Variants in TAX1BP1 observed in about 807,000 individuals in gnomAD.
TAX1BP1 encodes tax1-binding protein 1.
In TAX1BP1, 62 loss-of-function variants were observed where a neutral mutation model predicts 97.7. The observed-to-expected ratio is 0.63, with a 90% CI of 0.52 to 0.78. The LOEUF (loss-of-function observed/expected upper bound fraction) is 0.78. Ranked by LOEUF, TAX1BP1 falls within the 30% of genes least tolerant of loss-of-function variation. The pLI, the probability that TAX1BP1 is intolerant of heterozygous loss-of-function variation, is 0.00. For synonymous variants in TAX1BP1, 340 were observed against 304.2 expected, an observed-to-expected ratio of 1.12 and a Z score of -1.23; for missense variants, 867 against 916.1, an observed-to-expected ratio of 0.95 and a Z score of 0.69.
intron 2 of TAX1BP1, among the ~76,000 whole-genome samples, chr7:27,750,450 A>T (rs1420835967): frequency 6.6e-6 from 1 of 152,216 alleles, no homozygotes; most frequent in Non-Finnish European, 1.5e-5. Flanking sequence ...AGCATTTCGG[A>T]TAAGGGATAC....
At chr7:27,827,536 A>G (rs773679724) in intron 15 of TAX1BP1, among the ~76,000 whole-genome samples, 4 of 152,206 alleles carry the variant, frequency 2.6e-5, no homozygotes, top group Admixed American at 6.5e-5. Flanking sequence ...TTTTATTTCA[A>G]GAACACCACA....
At chr7:27,814,480 T>C (rs530983138) in intron 13 of TAX1BP1, among the ~76,000 whole-genome samples, 4 of 152,336 alleles carry the variant, frequency 2.6e-5, no homozygotes, top group African/African-American at 9.6e-5. Context: ...AGCATAAAAG[T>C]ACTAAGTTTT....
At chr7:27,753,620 G>A (rs965519154) in intron 2 of TAX1BP1, among the ~76,000 whole-genome samples, 27 of 152,090 alleles carry the variant, frequency 1.8e-4, no homozygotes, top group African/African-American at 4.8e-4. Context: ...TTATAAATTA[G>A]GCACAGTAAG....
chr7:27,785,037 C>G (rs1789421864), intron 5 of TAX1BP1, 126 bp from the exon 6 acceptor site: 8 of 933,658 alleles, frequency 8.6e-6, no homozygotes, highest in Non-Finnish European at 1.2e-5. Context: ...CTTAGCTTCT[C>G]AAATTTGGAG....
At chr7:27,779,778 G>A (rs1404283014) in intron 5 of TAX1BP1, among the ~76,000 whole-genome samples, 2 of 152,018 alleles carry the variant, frequency 1.3e-5, no homozygotes, top group South Asian at 2.1e-4. Context: ...ATGATTATTC[G>A]GGGGCCTTGT....
chr7:27,797,422 A>G (rs1477087439), intron 12 of TAX1BP1, among the ~76,000 whole-genome samples: 1 of 152,170 alleles, frequency 6.6e-6, no homozygotes, highest in Non-Finnish European at 1.5e-5. Flanking sequence ...AATTTGGCAT[A>G]GAGAGGAAAA....
intron 5 of TAX1BP1, among the ~76,000 whole-genome samples, chr7:27,778,900 A>G (rs952130332): frequency 6.6e-6 from 1 of 150,692 alleles, no homozygotes; most frequent in South Asian, 2.1e-4. Context: ...GGTTTTTTGT[A>G]TATTTATAGA....
At chr7:27,803,996 G>GAAA (rs1218892124) in intron 13 of TAX1BP1, among the ~76,000 whole-genome samples, 2 of 152,162 alleles carry the variant, frequency 1.3e-5, no homozygotes, top group Non-Finnish European at 2.9e-5. Context: ...TTATATCAGG[G>GAAA]AAAAACAATT....
intron 13 of TAX1BP1, among the ~76,000 whole-genome samples, chr7:27,801,130 G>GAAA (rs11465183): frequency 3.0e-5 from 4 of 132,362 alleles, no homozygotes; most frequent in African/African-American, 1.1e-4. Flanking sequence ...GAATGTTAGA[G>GAAA]AAAAAAAAAA....
chr7:27,784,045 T>A (rs1789370691), intron 5 of TAX1BP1, among the ~76,000 whole-genome samples: 1 of 152,170 alleles, frequency 6.6e-6, no homozygotes, highest in African/African-American at 2.4e-5. Flanking sequence ...AATGTAGCAA[T>A]GTTCATATTC....
intron 13 of TAX1BP1, 87 bp downstream of exon 13, chr7:27,800,177 T>C: frequency 8.3e-7 from 1 of 1,203,234 alleles, no homozygotes; most frequent in Non-Finnish European, 1.1e-6. Context: ...TAATGTACAT[T>C]TTAAATATGG....
Position 27,746,752 on chromosome 7 carries a change from G to T in TAX1BP1, c.-7-1766G>T, listed in dbSNP as rs372669591. Among the ~76,000 whole-genome samples, 14 of 152,250 alleles carry T rather than the reference G, an allele frequency of 9.2e-5. No individual in the cohort carries two copies. In the South Asian group the frequency reaches 2.9e-3, roughly 32 times the overall value. On this transcript the variant is annotated intron_variant, in intron 1 of 16. Coordinates refer to ENST00000396319, the MANE Select transcript of TAX1BP1 (RefSeq NM_006024.7). ...TTGGAATGCTTGCAAACCTCAGGTA[G>T]GGAGAGGCTGACAACTAGCCTGATA...
At chr7:27,801,165 A>C (rs567424760) in intron 13 of TAX1BP1, among the ~76,000 whole-genome samples, 2 of 151,690 alleles carry the variant, frequency 1.3e-5, no homozygotes, top group African/African-American at 4.8e-5. Context: ...CTACTTAATA[A>C]GTAGAAATAT....
intron 5 of TAX1BP1, among the ~76,000 whole-genome samples, chr7:27,776,754 G>A (rs929245490): frequency 6.8e-6 from 1 of 147,614 alleles, no homozygotes; most frequent in Admixed American, 6.8e-5. Flanking sequence ...TCAGGGACTC[G>A]AGTACACATA....
At chr7:27,800,260 G>T (rs1790082399) in intron 13 of TAX1BP1, among the ~76,000 whole-genome samples, 170 bp downstream of exon 13, 1 of 152,082 alleles carries the variant, frequency 6.6e-6, no homozygotes, top group African/African-American at 2.4e-5. Flanking sequence ...CATTAACTTT[G>T]AATTGAGAAA....
chr7:27,818,626 CTG>C (rs1325966262), intron 15 of TAX1BP1, among the ~76,000 whole-genome samples: 1 of 152,150 alleles, frequency 6.6e-6, no homozygotes, highest in African/African-American at 2.4e-5. Context: ...GCACCAGAAA[CTG>C]TGGTCAATTG....
At chr7:27,794,529 A>G in intron 11 of TAX1BP1, 83 bp downstream of exon 11, 2 of 1,376,428 alleles carry the variant, frequency 1.5e-6, no homozygotes, top group Non-Finnish European at 1.9e-6. Flanking sequence ...TTAGAATTTC[A>G]GGATGTTCAT....
intron 1 of TAX1BP1, among the ~76,000 whole-genome samples, chr7:27,743,506 C>A (rs112901264): frequency 6.6e-6 from 1 of 152,132 alleles, no homozygotes. Flanking sequence ...GGGTACAAAG[C>A]GTTCATATTC....
At chr7:27,749,109 C>T (rs1021437463) in intron 2 of TAX1BP1, among the ~76,000 whole-genome samples, 4 of 152,130 alleles carry the variant, frequency 2.6e-5, no homozygotes, top group Non-Finnish European at 4.4e-5. Flanking sequence ...GATTGTATTA[C>T]ACAGTTTTAA....
Sources: allele counts gnomAD v4.1 joint callset (sites outside exome capture counted in the v4.1 genomes callset), GRCh38; gene constraint gnomAD v4.1.1; transcripts MANE v1.5; gene names NCBI Gene and HGNC (gene_info 2026-07-23, HGNC 2026-07-21).